Variants in BRINP3 observed in about 807,000 individuals in gnomAD.
BRINP3 encodes BMP/retinoic acid inducible neural specific 3.
BRINP3 carries 19 observed loss-of-function variants against 71.0 expected under a neutral mutation model. The observed-to-expected ratio is 0.27, with a 90% CI of 0.19 to 0.39. The LOEUF (loss-of-function observed/expected upper bound fraction) is 0.39, where lower values mean the gene tolerates loss of function less well. Ranked by LOEUF, BRINP3 falls within the 10% of genes least tolerant of loss-of-function variation. The pLI, the probability that BRINP3 is intolerant of heterozygous loss-of-function variation, is 1.00. For synonymous variants in BRINP3, 380 were observed against 337.7 expected (o/e 1.13, Z -1.37); for missense variants, 959 against 940.8 (o/e 1.02, Z -0.25).
Position 190,226,157 on chromosome 1 carries a change from T to C in BRINP3, c.886A>G (p.Ile296Val). 1.2e-6 allele frequency: 2 copies of C among 1,612,440 alleles called. No homozygotes were observed. The highest frequency in any genetic ancestry group is 1.7e-6 in the Non-Finnish European group (2 of 1,178,988). ...FPECNCPSMD[I>V]QAMEENLLRI... The stretch of plus-strand genomic sequence containing the variant: ...AGAAGATTCTCTTCCATGGCTTGAA[T>C]GTCCATGGAGGGGCAGTTGCATTCT... The change falls in exon 6 of 8, where the codon ATT (isoleucine) becomes GTT (valine). Residue 296 changes from isoleucine (I) to valine (V), a missense_variant. Physicochemically the swap from Ile to Val is conservative, Grantham distance 29. Coordinates refer to ENST00000367462, the MANE Select transcript of BRINP3 (RefSeq NM_199051.3).
intron 2 of BRINP3, among the ~76,000 whole-genome samples, chr1:190,415,262 C>T (rs1672939618): frequency 6.6e-6 from 1 of 152,120 alleles, no homozygotes; most frequent in Non-Finnish European, 1.5e-5. Context: ...CACACGCCTA[C>T]CTGAATTACT....
chr1:190,320,672 C>T (rs1666177962), intron 2 of BRINP3, among the ~76,000 whole-genome samples: 1 of 151,876 alleles, frequency 6.6e-6, no homozygotes, highest in Non-Finnish European at 1.5e-5. Context: ...CACTCCCACC[C>T]CCCAACACAC....
chr1:190,351,548 A>G (rs1212643905), intron 2 of BRINP3, among the ~76,000 whole-genome samples: 1 of 152,120 alleles, frequency 6.6e-6, no homozygotes, highest in Non-Finnish European at 1.5e-5. Flanking sequence ...AACATATCCC[A>G]CTACAGGGCA....
chr1:190,108,620 T>G (rs936205722), intron 7 of BRINP3, among the ~76,000 whole-genome samples: 1 of 148,178 alleles, frequency 6.7e-6, no homozygotes, highest in Non-Finnish European at 1.5e-5. Flanking sequence ...TGCCTAACCA[T>G]CTATGGCCAC....
At chr1:190,372,229 C>T (rs916433199) in intron 2 of BRINP3, among the ~76,000 whole-genome samples, 1 of 152,188 alleles carries the variant, frequency 6.6e-6, no homozygotes, top group Non-Finnish European at 1.5e-5. Context: ...GCCTTGCATT[C>T]TGCCTGCATT....
At chr1:190,295,959 A>G (rs749481280) in intron 2 of BRINP3, among the ~76,000 whole-genome samples, 4 of 151,756 alleles carry the variant, frequency 2.6e-5, no homozygotes, top group Admixed American at 6.6e-5. Context: ...TAGTTATTCA[A>G]TGTAATGTAC....
At chr1:190,099,703 C>T (rs1010866897) in intron 7 of BRINP3, among the ~76,000 whole-genome samples, 35 of 152,092 alleles carry the variant, frequency 2.3e-4, no homozygotes, top group African/African-American at 8.0e-4. Context: ...GGGTTGTCAT[C>T]AACATTGAAA....
chr1:190,378,478 T>C (rs1571901316), intron 2 of BRINP3, among the ~76,000 whole-genome samples: 1 of 152,166 alleles, frequency 6.6e-6, no homozygotes, highest in African/African-American at 2.4e-5. Flanking sequence ...GATGCTTGCA[T>C]GGCAAATAGT....
chr1:190,157,182 C>G (rs1656946092), intron 7 of BRINP3, among the ~76,000 whole-genome samples: 1 of 151,874 alleles, frequency 6.6e-6, no homozygotes, highest in South Asian at 2.1e-4. Context: ...CTTGCAGAAT[C>G]TGAGGATACA....
chr1:190,159,839 T>C (rs1053980006), intron 7 of BRINP3, among the ~76,000 whole-genome samples: 27 of 151,960 alleles, frequency 1.8e-4, no homozygotes, highest in African/African-American at 6.5e-4. Context: ...ACAAAAACAA[T>C]CCAATGTTTT....
chr1:190,183,952 C>T (rs1323997572), intron 6 of BRINP3, among the ~76,000 whole-genome samples: 2 of 152,066 alleles, frequency 1.3e-5, no homozygotes, highest in African/African-American at 2.4e-5. Context: ...GCTAGGTTGC[C>T]ACTTTCCTGA....
At chr1:190,340,109 A>G (rs12733555) in intron 2 of BRINP3, among the ~76,000 whole-genome samples, 17 of 152,046 alleles carry the variant, frequency 1.1e-4, no homozygotes, top group African/African-American at 3.6e-4. Context: ...TTGAGCCTAT[A>G]CAATGTGGGG....
chr1:190,242,943 G>A (rs964776830), intron 4 of BRINP3, among the ~76,000 whole-genome samples: 2 of 152,044 alleles, frequency 1.3e-5, no homozygotes, highest in Non-Finnish European at 2.9e-5. Flanking sequence ...TTTCACTTGT[G>A]TTTGTTACCA....
chr1:190,329,448 A>C (rs1666820139), intron 2 of BRINP3, among the ~76,000 whole-genome samples: 3 of 152,020 alleles, frequency 2.0e-5, no homozygotes, highest in East Asian at 1.9e-4. Flanking sequence ...ACACACACAA[A>C]AAAAAAATAC....
At chr1:190,281,189 A>G (rs1663009325) in intron 3 of BRINP3, among the ~76,000 whole-genome samples, 1 of 151,984 alleles carries the variant, frequency 6.6e-6, no homozygotes, top group Non-Finnish European at 1.5e-5. Flanking sequence ...GTTATTTAAT[A>G]TGTACTCAAA....
At chr1:190,182,730 T>C (rs1378916055) in intron 6 of BRINP3, among the ~76,000 whole-genome samples, 2 of 152,076 alleles carry the variant, frequency 1.3e-5, no homozygotes, top group East Asian at 3.9e-4. Context: ...GCACATCAGA[T>C]AATATTTAGC....
chr1:190,135,463 T>A (rs1357256364), intron 7 of BRINP3, among the ~76,000 whole-genome samples: 3 of 152,108 alleles, frequency 2.0e-5, no homozygotes, highest in Admixed American at 6.6e-5. Context: ...TTATACTTAA[T>A]TTTGGTGTGT....
chr1:190,115,636 A>T (rs1198160278), intron 7 of BRINP3, among the ~76,000 whole-genome samples: 1 of 152,150 alleles, frequency 6.6e-6, no homozygotes, highest in African/African-American at 2.4e-5. Context: ...TAAAAACAGG[A>T]ACATCCCGAC....
intron 2 of BRINP3, among the ~76,000 whole-genome samples, chr1:190,321,098 G>A (rs1666208824): frequency 6.6e-6 from 1 of 151,948 alleles, no homozygotes; most frequent in Admixed American, 6.6e-5. Flanking sequence ...CATTTTTTAT[G>A]CTGTATAGGG....
Sources: gnomAD v4.1 joint callset for allele counts (sites outside exome capture counted in the v4.1 genomes callset) on GRCh38, gnomAD v4.1.1 for gene constraint, MANE v1.5 for transcripts, NCBI Gene and HGNC (gene_info 2026-07-23, HGNC 2026-07-21) for gene names.